The following MAP4K2 variants were observed in gnomAD, a reference collection of about 807,000 sequenced individuals.
MAP4K2 encodes the protein B lymphocyte serine/threonine protein kinase.
Under a neutral mutation model 125.3 loss-of-function variants are expected in MAP4K2, and 85 were observed. That is an observed-to-expected ratio of 0.68 (90% CI 0.57 to 0.81). The LOEUF (loss-of-function observed/expected upper bound fraction) is 0.81. Ranked by LOEUF, MAP4K2 falls within the 40% of genes least tolerant of loss-of-function variation. The pLI is 0.00. For synonymous variants in MAP4K2, 479 were observed against 445.1 expected, an observed-to-expected ratio of 1.08 and a Z score of -0.96; for missense variants, 923 against 1,056.4, an observed-to-expected ratio of 0.87 and a Z score of 1.75.
At chr11:64,791,792 T>A in intron 27 of MAP4K2, 117 bp downstream of exon 27, 1 of 1,137,790 alleles carries the variant, frequency 8.8e-7, no homozygotes, top group Non-Finnish European at 1.2e-6. Context: ...CCTCAAGGTC[T>A]CTGTGGAGCC....
At position 64,800,389 on chromosome 11, in the gene MAP4K2, G is replaced by T; in HGVS notation, c.729C>A (p.Thr243=). The change falls in exon 11 of 32, where the codon ACC becomes ACA. Residue 243 remains threonine, a synonymous_variant. Coordinates refer to ENST00000294066, the MANE Select transcript of MAP4K2 (RefSeq NM_004579.5). ...GTTTGAGAAAGTGGTGGAAATTCTG[G>T]GTCCTAGAAGGCACAAGAGCCCCCC... is the stretch of plus-strand genomic sequence containing the variant. ...PPKLRDKTRW[T]QNFHHFLKLA... is the part of the protein sequence containing the mutation. 1 of 1,613,936 alleles carries T rather than the reference G, an allele frequency of 6.2e-7. No individual in the cohort carries two copies.
intron 17 of MAP4K2, 33 bp downstream of exon 17, chr11:64,797,468 G>C: frequency 6.4e-7 from 1 of 1,559,496 alleles, no homozygotes; most frequent in Non-Finnish European, 8.7e-7. Context: ...GCAGTGGCCT[G>C]GATCCCAGCT....
rs1052018396 is a variant in MAP4K2, at chr11:64,789,426, A to G, written c.*111T>C. 32 of 946,342 alleles carry G rather than the reference A, an allele frequency of 3.4e-5. No individual in the cohort carries two copies. The highest frequency in any genetic ancestry group is 5.0e-5 in the Non-Finnish European group (31 of 616,036). 58.6% of individuals were successfully genotyped at this position (946,342 alleles called of 1,614,324 possible). A position where few individuals can be genotyped will look rare whatever the true frequency, so the allele number is the denominator to read the frequency against. On this transcript the variant is annotated 3_prime_UTR_variant, in exon 32 of 32. Transcript: ENST00000294066. ...AGGATTACTTCTGACCTTCAGCCCC[A>G]GCAGGGCCAGGGCCTGGGCTCCTCT...
intron 7 of MAP4K2, 49 bp downstream of exon 7, chr11:64,801,530 G>C (rs373159325): frequency 1.1e-5 from 18 of 1,607,282 alleles, no homozygotes; most frequent in Non-Finnish European, 1.5e-5. Flanking sequence ...AGGGTAGCCG[G>C]GGAGGGTCCA....
rs570817578 is a variant in MAP4K2 at position 64,791,979 on chromosome 11, G to T, written c.2022C>A (p.Pro674=). The T allele has an allele frequency of 1.2e-6, 2 of 1,603,634 alleles. No homozygotes were observed. The highest frequency in any genetic ancestry group is 4.5e-5 in the East Asian group (2 of 44,528). ...VCVGAEGPEG[P]GCRVLFHVLP... ...GGACATGGAACAGGACGCGGCAGCC[G>T]GGCCCCTCAGGCCCCTCGGCCCCAA... is the stretch of plus-strand genomic sequence containing the variant. The change falls in exon 27 of 32, where the codon CCC becomes CCA. Residue 674 remains proline (P), a synonymous_variant. Transcript: ENST00000294066.
At position 64,785,321 on chromosome 11, in the gene MAP4K2, G is replaced by T. The variant is rs555129550; in HGVS notation, c.*4216C>A. The T allele has an allele frequency of 1.4e-4, 22 of 152,292 alleles. No individual in the cohort carries two copies. The highest frequency in any genetic ancestry group is 3.3e-4 in the Admixed American group (5 of 15,298). The allele number at this position is 152,292 out of a possible 1,614,324, so 9.4% of individuals were successfully genotyped here. On this transcript the variant is annotated 3_prime_UTR_variant, in exon 32 of 32. Transcript: ENST00000294066. Reference sequence around the variant, plus strand: ...TGGAAATAGCTTCACGGGTGTACACGTATGTCAAAAGTCATCACGTACACA... The same window carrying T: ...TGGAAATAGCTTCACGGGTGTACACTTATGTCAAAAGTCATCACGTACACA...
At chr11:64,799,285 T>C in intron 14 of MAP4K2, 136 bp downstream of exon 14, 2 of 1,042,708 alleles carry the variant, frequency 1.9e-6, no homozygotes, top group Non-Finnish European at 2.8e-6. Flanking sequence ...TAGGACAGGC[T>C]TGCTTGGACA....
rs375333253 is a variant in MAP4K2 at position 64,802,649 on chromosome 11, G to T, written c.159C>A (p.Asp53Glu). The T allele has an allele frequency of 1.4e-4, 219 of 1,612,124 alleles. No homozygotes were observed. Among genetic ancestry groups the T allele is most frequent in the Non-Finnish European group, 1.8e-4 (215 of 1,179,312 alleles). ...AVKIVKLDPG[D>E]DISSLQQEIT... is the part of the protein sequence containing the mutation. ...TTTCCTGCTGGAGGGAGCTGATGTC[G>T]TCCCCTGGGAAGCACAAAGCATCAT... The change falls in exon 3 of 32, where the codon GAC becomes GAA. Residue 53 changes from aspartate (D) to glutamate (E), a missense_variant. By Grantham distance (45) the Asp-to-Glu change is conservative. Coordinates refer to ENST00000294066, the MANE Select transcript of MAP4K2 (RefSeq NM_004579.5).
At position 64,789,255 on chromosome 11, in the gene MAP4K2, A is replaced by C; in HGVS notation, c.*282T>G. On this transcript the variant is annotated 3_prime_UTR_variant, in exon 32 of 32. Transcript: ENST00000294066. Reference sequence around the variant, plus strand: ...GAAAGGAAATGTGGAACAAAATGGAATGGATGGCCCAGGCCCAGGGTCCCT... The same window carrying C: ...GAAAGGAAATGTGGAACAAAATGGACTGGATGGCCCAGGCCCAGGGTCCCT... 2 of 496,000 alleles carry C rather than the reference A, an allele frequency of 4.0e-6. No individual in the cohort carries two copies. The highest frequency in any genetic ancestry group is 3.7e-6 in the Non-Finnish European group (1 of 273,606). 30.7% of individuals were successfully genotyped at this position (496,000 alleles called of 1,614,324 possible).
Position 64,796,851 on chromosome 11 carries a change from G to A in MAP4K2, c.1450C>T (p.Arg484Trp), listed in dbSNP as rs141616163. The A allele has an allele frequency of 4.9e-5, 79 of 1,613,642 alleles. No homozygotes were observed. Among genetic ancestry groups the A allele is most frequent in the Non-Finnish European group, 6.0e-5 (71 of 1,180,028 alleles). Residue 484 changes from arginine (R) to tryptophan (W), a missense_variant, in exon 21 of 32, where the codon CGG (arginine) becomes TGG (tryptophan). Physicochemically the swap from Arg to Trp is moderately radical, Grantham distance 101 (BLOSUM62 -3). Around this residue, in one of 2 missense-constraint regions of MAP4K2, gnomAD observed 833 missense variants for 911.4 expected, o/e 0.91. Coordinates refer to ENST00000294066, the MANE Select transcript of MAP4K2 (RefSeq NM_004579.5). ...ATCCAGGTGACAGCAGCGTGGATCC[G>A]CAGGGGGCAGCCATTGAAGACCTTG... ...FSKVFNGCPL[R>W]IHAAVTWIHP...
At position 64,792,257 on chromosome 11, in the gene MAP4K2, C is replaced by T. The variant is rs781449084; in HGVS notation, c.1829G>A (p.Gly610Asp). 3 of 1,611,032 alleles carry T rather than the reference C, an allele frequency of 1.9e-6. No individual in the cohort carries two copies. Among genetic ancestry groups the T allele is most frequent in the Non-Finnish European group, 2.5e-6 (3 of 1,179,228 alleles). The change falls in exon 26 of 32, where the codon GGT becomes GAT. Residue 610 changes from glycine (G) to aspartate (D), a missense_variant. Transcript: ENST00000294066. ...QCRVVRNPYT[G>D]ATFLLAALPT... ...CAGGGCGGCCAGCAGGAAGGTGGCACCCGTGTAGGGGTTCCGCACTGGCAG... is the reference window on the plus strand; with the variant it reads ...CAGGGCGGCCAGCAGGAAGGTGGCATCCGTGTAGGGGTTCCGCACTGGCAG...
chr11:64,789,666 G>A (rs1160396057), intron 31 of MAP4K2, 42 bp from the exon 32 acceptor site: 1 of 1,612,370 alleles, frequency 6.2e-7, no homozygotes. Context: ...GAGACACTTG[G>A]TACATCAGCC....
At chr11:64,792,809 G>A (rs555401542) in intron 24 of MAP4K2, among the ~76,000 whole-genome samples, 1 of 152,312 alleles carries the variant, frequency 6.6e-6, no homozygotes, top group East Asian at 1.9e-4. Flanking sequence ...GGTGCTCTCG[G>A]CAGTGCTGGG....
Position 64,786,353 on chromosome 11 carries a change from C to T in MAP4K2, c.*3184G>A, listed in dbSNP as rs893344516. ...AAGCTCAGCGAGCTGGGGTGGCTCA[C>T]CCAGTCCAAGGGCAGATTGCAGGGA... On this transcript the variant is annotated 3_prime_UTR_variant, in exon 32 of 32. Coordinates refer to ENST00000294066, the MANE Select transcript of MAP4K2 (RefSeq NM_004579.5). The T allele has an allele frequency of 1.3e-5, 2 of 152,312 alleles. No individual in the cohort carries two copies. The highest frequency in any genetic ancestry group is 2.4e-5 in the African/African-American group (1 of 41,554). 9.4% of individuals were successfully genotyped at this position (152,312 alleles called of 1,614,324 possible).
In MAP4K2 at chr11:64,786,238, CTA is replaced by C. The variant is rs1444113567; in HGVS notation, c.*3297_*3298del. ...GTTTTAATTTACCTCTAAGAGTCAT[CTA>C]TGTTATTGCATTATGTCTGTTACAG... is the stretch of plus-strand genomic sequence containing the variant. On this transcript the variant is annotated 3_prime_UTR_variant, in exon 32 of 32. Coordinates refer to ENST00000294066, the MANE Select transcript of MAP4K2 (RefSeq NM_004579.5). The C allele has an allele frequency of 3.9e-5, 6 of 152,182 alleles. No homozygotes were observed. Among genetic ancestry groups the C allele is most frequent in the Non-Finnish European group, 5.9e-5 (4 of 68,030 alleles). 9.4% of individuals were successfully genotyped at this position (152,182 alleles called of 1,614,324 possible).
In MAP4K2 at chr11:64,796,977, C is replaced by T. The variant is rs1249135424; in HGVS notation, c.1407+5G>A. 1 of 1,613,826 alleles carries T rather than the reference C, an allele frequency of 6.2e-7. No individual in the cohort carries two copies. On this transcript the variant is annotated splice_donor_5th_base_variant and intron_variant, in intron 20 of 31. Transcript: ENST00000294066. ...GGGACTGCAGGGCTTGGGGCAAACA[C>T]TTACATGCACCTTGGGAGTTGGGGG...
Position 64,796,991 on chromosome 11 carries a change from G to A in MAP4K2, c.1398C>T (p.Pro466=). Reference sequence around the variant, plus strand: ...TGGGGCAAACACTTACATGCACCTTGGGAGTTGGGGGGAGCCCGTGGCAGG... The same window carrying A: ...TGGGGCAAACACTTACATGCACCTTAGGAGTTGGGGGGAGCCCGTGGCAGG... ...RSSCHGLPPT[P]KVHMGACFSK... Residue 466 remains proline, a synonymous_variant, in exon 20 of 32, where the codon CCC becomes CCT. Transcript: ENST00000294066. 1.9e-6 allele frequency: 3 copies of A among 1,613,910 alleles called. No homozygotes were observed. The highest frequency in any genetic ancestry group is 2.5e-6 in the Non-Finnish European group (3 of 1,179,940).
At position 64,796,384 on chromosome 11, in the gene MAP4K2, G is replaced by A. The variant is rs1009863813; in HGVS notation, c.1640C>T (p.Ser547Phe). 2 of 1,608,364 alleles carry A rather than the reference G, an allele frequency of 1.2e-6. No homozygotes were observed. Among genetic ancestry groups the A allele is most frequent in the Non-Finnish European group, 1.7e-6 (2 of 1,176,668 alleles). ...GAGGTCATGGGCCCAGATGTGCGTG[G>A]ATTTCCCTGCAGAAACAGGAAGAGG... ...NNVLLSLSGK[S>F]THIWAHDLPG... The change falls in exon 24 of 32, where the codon TCC becomes TTC. Residue 547 changes from serine to phenylalanine, a missense_variant. This residue lies in a region of MAP4K2 where 833 missense variants were observed against 911.4 expected (regional missense o/e 0.91). Transcript: ENST00000294066.
At chr11:64,799,971 A>G in intron 12 of MAP4K2, 138 bp downstream of exon 12, 2 of 733,742 alleles carry the variant, frequency 2.7e-6, no homozygotes, top group Admixed American at 2.5e-5. Flanking sequence ...CATGACAGAG[A>G]CTCCTAATGG....
Sources: gnomAD v4.1 joint callset for allele counts (sites outside exome capture counted in the v4.1 genomes callset) on GRCh38, gnomAD v4.1.1 for gene constraint, gnomAD v4.1.1 regional missense constraint, MANE v1.5 for transcripts, NCBI Gene and HGNC (gene_info 2026-07-23, HGNC 2026-07-21) for gene names.